Variants in WDR17 observed in about 807,000 individuals in gnomAD.
WDR17 encodes WD repeat-containing protein 17.
In WDR17, 143 loss-of-function variants were observed where a neutral mutation model predicts 161.7. The observed-to-expected ratio is 0.88, with a 90% CI of 0.77 to 1.02. The LOEUF is 1.02. WDR17 is among the 50% of genes least tolerant of loss of function. The probability of loss-of-function intolerance (pLI) is 0.00; values close to 1 mark genes in which losing one functional copy is unlikely to be tolerated. For synonymous variants in WDR17, 517 were observed against 515.6 expected, an observed-to-expected ratio of 1.00 and a Z score of -0.04; for missense variants, 1,469 against 1,520.9, an observed-to-expected ratio of 0.97 and a Z score of 0.57.
intron 1 of WDR17, among the ~76,000 whole-genome samples, chr4:176,093,010 C>A (rs1736333821): frequency 6.6e-6 from 1 of 151,902 alleles, no homozygotes; most frequent in Non-Finnish European, 1.5e-5. Context: ...CCACTACACT[C>A]CAGCCTGGGT....
chr4:176,071,964 C>A (rs1462060721), intron 1 of WDR17, among the ~76,000 whole-genome samples: 1 of 152,004 alleles, frequency 6.6e-6, no homozygotes, highest in Non-Finnish European at 1.5e-5. Flanking sequence ...TTTTGTTGAC[C>A]AAGATGGAAT....
intron 1 of WDR17, among the ~76,000 whole-genome samples, chr4:176,100,181 A>G (rs1252971042): frequency 6.6e-6 from 1 of 152,150 alleles, no homozygotes; most frequent in East Asian, 1.9e-4. Context: ...TAAAAGGTGT[A>G]TTAATTTTCA....
At chr4:176,168,378 G>C (rs914072089) in intron 22 of WDR17, among the ~76,000 whole-genome samples, 1 of 151,898 alleles carries the variant, frequency 6.6e-6, no homozygotes, top group African/African-American at 2.4e-5. Context: ...AAACTACTTA[G>C]ATTAGAGAAT....
intron 11 of WDR17, among the ~76,000 whole-genome samples, chr4:176,143,455 G>A (rs1380367396): frequency 6.6e-6 from 1 of 150,752 alleles, no homozygotes; most frequent in Non-Finnish European, 1.5e-5. Flanking sequence ...CTTGAGCTCA[G>A]GAGTTCAATA....
At chr4:176,147,921 A>G (rs1746446778) in intron 12 of WDR17, among the ~76,000 whole-genome samples, 1 of 152,278 alleles carries the variant, frequency 6.6e-6, no homozygotes, top group South Asian at 2.1e-4. Flanking sequence ...AGCTTGATTT[A>G]ATTATTCCAC....
chr4:176,149,254 C>CT (rs1005747544), intron 13 of WDR17, among the ~76,000 whole-genome samples: 11 of 151,536 alleles, frequency 7.3e-5, no homozygotes, highest in South Asian at 2.1e-4. Context: ...TTCTTTCTTT[C>CT]TTTTTTTTAT....
chr4:176,122,044 A>C (rs1446840692), intron 4 of WDR17, among the ~76,000 whole-genome samples: 1 of 152,278 alleles, frequency 6.6e-6, no homozygotes, highest in South Asian at 2.1e-4. Flanking sequence ...AACAGCATAA[A>C]TTTTATTATC....
At chr4:176,118,425 A>G (rs1226490499) in intron 3 of WDR17, among the ~76,000 whole-genome samples, 3 of 152,132 alleles carry the variant, frequency 2.0e-5, no homozygotes, top group Non-Finnish European at 2.9e-5. Flanking sequence ...CATATCAACT[A>G]TTTTACTGGC....
intron 19 of WDR17, among the ~76,000 whole-genome samples, 178 bp downstream of exon 19, chr4:176,160,304 C>T (rs780502625): frequency 1.5e-4 from 23 of 152,120 alleles, no homozygotes; most frequent in Admixed American, 1.2e-3. Context: ...CTGGTCACAG[C>T]GCACTTATTT....
intron 27 of WDR17, 94 bp from the exon 28 acceptor site, chr4:176,177,377 G>A (rs1751596434): frequency 8.2e-7 from 1 of 1,215,598 alleles, no homozygotes; most frequent in South Asian, 1.6e-5. Flanking sequence ...TCAATAAAGG[G>A]GAACTAAATA....
intron 23 of WDR17, among the ~76,000 whole-genome samples, chr4:176,171,419 C>A (rs1416068169): frequency 1.3e-5 from 2 of 152,048 alleles, no homozygotes; most frequent in Non-Finnish European, 2.9e-5. Flanking sequence ...AAATAACTGG[C>A]ATTTCATGAA....
intron 13 of WDR17, 47 bp from the exon 14 acceptor site, chr4:176,149,760 A>G: frequency 1.3e-6 from 2 of 1,595,224 alleles, no homozygotes; most frequent in Non-Finnish European, 1.7e-6. Flanking sequence ...AATAAAAAAT[A>G]TTTTTCAATG....
At chr4:176,170,731 C>T (rs1051244443) in intron 23 of WDR17, among the ~76,000 whole-genome samples, 4 of 152,208 alleles carry the variant, frequency 2.6e-5, no homozygotes, top group Non-Finnish European at 5.9e-5. Context: ...ATCACACATT[C>T]TAAAAGGATA....
In WDR17 at chr4:176,123,750, A is replaced by G. The variant is rs375851900; in HGVS notation, c.539-1354A>G. ...CAAATTCTGCTTCTTTTGGGTTTTT[A>G]TAGAAGCTTTATTATATAGGCATAT... On this transcript the variant is annotated intron_variant, in intron 4 of 28. Transcript: ENST00000508596. 3.9e-5 allele frequency among the ~76,000 whole-genome samples: 6 copies of G among 152,154 alleles called. No individual in the cohort carries two copies. The East Asian group carries it at 9.7e-4, about 24-fold the overall frequency.
At position 176,125,322 on chromosome 4, in the gene WDR17, G is replaced by T; in HGVS notation, c.757G>T (p.Val253Phe). ...AGCTTCTGTACAGTGCTTAGCCTGG[G>T]TTCCCAGTGCTCCTGGGATGTTTAT... ...AAASVQCLAW[V>F]PSAPGMFITG... Residue 253 changes from valine (V) to phenylalanine (F), a missense_variant, in exon 5 of 29, where the codon GTT (valine) becomes TTT (phenylalanine). Coordinates refer to ENST00000508596, the MANE Select transcript of WDR17 (RefSeq NM_181265.4). 1 of 1,614,102 alleles carries T rather than the reference G, an allele frequency of 6.2e-7. No individual in the cohort carries two copies. The highest frequency in any genetic ancestry group is 8.5e-7 in the Non-Finnish European group (1 of 1,180,012).
At chr4:176,160,204 C>A in intron 19 of WDR17, 78 bp downstream of exon 19, 1 of 1,547,396 alleles carries the variant, frequency 6.5e-7, no homozygotes, top group South Asian at 1.2e-5. Context: ...TTGACTGGCT[C>A]ACCCTTACAT....
In WDR17 at chr4:176,148,135, C is replaced by G. The variant is rs775919648; in HGVS notation, c.1697C>G (p.Thr566Ser). Residue 566 changes from threonine to serine, a missense_variant and splice_region_variant, in exon 13 of 29, where the codon ACC becomes AGC. Coordinates refer to ENST00000508596, the MANE Select transcript of WDR17 (RefSeq NM_181265.4). ...GILCSGSDDG[T>S]VRIWDYTQDA... ...CACCCATAATATTCTGTTTTCAGTACCGTTCGAATCTGGGATTATACTCAG... is the reference window on the plus strand; with the variant it reads ...CACCCATAATATTCTGTTTTCAGTAGCGTTCGAATCTGGGATTATACTCAG... 1 of 1,613,444 alleles carries G rather than the reference C, an allele frequency of 6.2e-7. No individual in the cohort carries two copies. Among genetic ancestry groups the G allele is most frequent in the East Asian group, 2.2e-5 (1 of 44,824 alleles).
chr4:176,125,031 A>G, intron 4 of WDR17, 73 bp from the exon 5 acceptor site: 4 of 1,532,038 alleles, frequency 2.6e-6, no homozygotes, highest in South Asian at 1.2e-5. Flanking sequence ...GTACAAGGAA[A>G]AAGTTAGCAT....
At chr4:176,104,680 A>C (rs1738404000) in intron 1 of WDR17, among the ~76,000 whole-genome samples, 1 of 152,182 alleles carries the variant, frequency 6.6e-6, no homozygotes, top group Non-Finnish European at 1.5e-5. Context: ...GAGTCTTGTA[A>C]CTTTAGCATG....
Sources: gnomAD v4.1 joint callset for allele counts (sites outside exome capture counted in the v4.1 genomes callset) on GRCh38, gnomAD v4.1.1 for gene constraint, MANE v1.5 for transcripts, NCBI Gene and HGNC (gene_info 2026-07-23, HGNC 2026-07-21) for gene names.